Variants in DYNC2H1 observed in about 807,000 individuals in gnomAD.
DYNC2H1 encodes cytoplasmic dynein 2 heavy chain 1.
In DYNC2H1, 410 loss-of-function variants were observed where a neutral mutation model predicts 570.0. That is an observed-to-expected ratio of 0.72 (90% CI 0.66 to 0.78). The LOEUF (loss-of-function observed/expected upper bound fraction) is 0.78, where lower values mean the gene tolerates loss of function less well. Among genes scored for constraint, DYNC2H1 ranks in the 30% least tolerant of loss-of-function variants. The pLI, the probability that DYNC2H1 is intolerant of heterozygous loss-of-function variation, is 0.00. For synonymous variants in DYNC2H1, 1,688 were observed against 1,677.6 expected, an observed-to-expected ratio of 1.01 and a Z score of -0.15; for missense variants, 4,865 against 5,046.4, an observed-to-expected ratio of 0.96 and a Z score of 1.09.
chr11:103,353,375 G>T (rs1392853672), intron 82 of DYNC2H1, among the ~76,000 whole-genome samples: 2 of 152,038 alleles, frequency 1.3e-5, no homozygotes, highest in African/African-American at 4.8e-5. Context: ...CTTGTTGATT[G>T]TGTTCAAATT....
In DYNC2H1 at chr11:103,173,213, T is replaced by C. The variant is rs1294763593; in HGVS notation, c.5466T>C (p.Asn1822=). The change falls in exon 35 of 89, where the codon AAT becomes AAC. Residue 1822 remains asparagine (N), a synonymous_variant. Coordinates refer to ENST00000375735, the MANE Select transcript of DYNC2H1 (RefSeq NM_001377.3). Reference sequence around the variant, plus strand: ...CCGTAGCTATGTCTCATCCAGACAATGAGCTTATTGCAGAAGTTATTCTCT... The same window carrying C: ...CCGTAGCTATGTCTCATCCAGACAACGAGCTTATTGCAGAAGTTATTCTCT... ...FRPVAMSHPD[N]ELIAEVILYS... 6 of 1,601,912 alleles carry C rather than the reference T, an allele frequency of 3.7e-6. No homozygotes were observed. The African/African-American group carries it at 8.1e-5, about 22-fold the overall frequency.
rs756535905 is a variant in DYNC2H1 at position 103,243,777 on chromosome 11, G to A, written c.9904G>A (p.Val3302Ile). 5 of 1,591,376 alleles carry A rather than the reference G, an allele frequency of 3.1e-6. No individual in the cohort carries two copies. Among genetic ancestry groups the A allele is most frequent in the Non-Finnish European group, 1.7e-6 (2 of 1,167,548 alleles). ...ACATTTGAAAGACTCACGTTTAGAA[G>A]TTATCAATCAGCAGGTATGTATTAT... ...KTHLKDSRLE[V>I]INQQDSNFIT... is the part of the protein sequence containing the mutation. Residue 3302 changes from valine (V) to isoleucine (I), a missense_variant, in exon 64 of 89, where the codon GTT becomes ATT. Physicochemically the swap from Val to Ile is conservative, Grantham distance 29. Coordinates refer to ENST00000375735, the MANE Select transcript of DYNC2H1 (RefSeq NM_001377.3). The surrounding 1 kb of genome is among the most constrained non-coding windows in gnomAD (Gnocchi z 4.8).
At chr11:103,115,410 A>C (rs555291565) in intron 4 of DYNC2H1, 115 bp downstream of exon 4, 15 of 606,930 alleles carry the variant, frequency 2.5e-5, no homozygotes, top group Non-Finnish European at 3.9e-5. Context: ...AACAAAATAG[A>C]TTCTTTATAT....
rs79379377 is a variant in DYNC2H1, at chr11:103,384,064, G to A, written c.12157-15599G>A. Among the ~76,000 whole-genome samples, 57 of 152,228 alleles carry A rather than the reference G, an allele frequency of 3.7e-4. No homozygotes were observed. The East Asian group carries it at 0.01, about 27-fold the overall frequency. ...TGGGATTTGCTTTATGGCCCACTAT[G>A]CAATAACATTTTGTTATGTTTGAAA... On this transcript the variant is annotated intron_variant, in intron 83 of 88. Transcript: ENST00000375735.
intron 82 of DYNC2H1, among the ~76,000 whole-genome samples, chr11:103,345,411 T>C (rs543606130): frequency 4.6e-5 from 7 of 152,314 alleles, no homozygotes; most frequent in Non-Finnish European, 8.8e-5. Context: ...TTGTTTTTAG[T>C]GGTTGTACTA....
rs756326880 is a variant in DYNC2H1 at position 103,303,132 on chromosome 11, G to T, written c.11135G>T (p.Arg3712Leu). The T allele has an allele frequency of 3.1e-6, 5 of 1,606,840 alleles. No homozygotes were observed. Among genetic ancestry groups the T allele is most frequent in the South Asian group, 1.1e-5 (1 of 89,904 alleles). ...EVSPLPLNLK[R>L]LYKETLEIEP... ...TCCCCACTGCCTCTAAATCTCAAAC[G>T]TTTATACAAAGAGACACTGGAAATT... is the stretch of plus-strand genomic sequence containing the variant. The change falls in exon 76 of 89, where the codon CGT (arginine) becomes CTT (leucine). Residue 3712 changes from arginine to leucine, a missense_variant. Physicochemically the swap from Arg to Leu is moderately radical, Grantham distance 102. Coordinates refer to ENST00000375735, the MANE Select transcript of DYNC2H1 (RefSeq NM_001377.3).
Position 103,148,577 on chromosome 11 carries a change from C to A in DYNC2H1, c.2906C>A (p.Ala969Glu). 4 of 1,569,874 alleles carry A rather than the reference C, an allele frequency of 2.5e-6. No homozygotes were observed. Among genetic ancestry groups the A allele is most frequent in the Non-Finnish European group, 3.5e-6 (4 of 1,156,116 alleles). ...CAGTCTGTGGAAGAAATTGGTGATGCAAATCTACAATATAGTAAGTTACAA... is the reference window on the plus strand; with the variant it reads ...CAGTCTGTGGAAGAAATTGGTGATGAAAATCTACAATATAGTAAGTTACAA... ...MPQSVEEIGD[A>E]NLQYSKLQER... The change falls in exon 20 of 89, where the codon GCA becomes GAA. Residue 969 changes from alanine (A) to glutamate (E), a missense_variant. Transcript: ENST00000375735.
At chr11:103,477,661 C>G (rs1945598054) in intron 88 of DYNC2H1, among the ~76,000 whole-genome samples, 1 of 151,654 alleles carries the variant, frequency 6.6e-6, no homozygotes, top group South Asian at 2.1e-4. Flanking sequence ...GAAACCCTGT[C>G]TCTACTAAAA....
intron 5 of DYNC2H1, 24 bp downstream of exon 5, chr11:103,116,738 T>C (rs778116654): frequency 1.3e-6 from 2 of 1,560,080 alleles, no homozygotes; most frequent in Admixed American, 1.9e-5. Context: ...AATGAACTTT[T>C]GGAATTTTGA....
chr11:103,216,789 C>CAAAAAAAA (rs5794214), intron 55 of DYNC2H1, among the ~76,000 whole-genome samples: 1 of 147,892 alleles, frequency 6.8e-6, no homozygotes, highest in Non-Finnish European at 1.5e-5. Context: ...GCAAGACTCT[C>CAAAAAAAA]AAAAAAAAAA....
rs564289401 is a variant in DYNC2H1 at position 103,172,051 on chromosome 11, C to T, written c.5334+983C>T. On this transcript the variant is annotated intron_variant, in intron 34 of 88. Transcript: ENST00000375735. ...GAAGTTGTAAGAACTAAGAAATTAT[C>T]ATGTTATATAAAATAACATTTTAAC... is the stretch of plus-strand genomic sequence containing the variant. 2.0e-3 allele frequency among the ~76,000 whole-genome samples: 309 copies of T among 152,122 alleles called. 1 individual carries two copies. The highest frequency in any genetic ancestry group is 7.2e-3 in the African/African-American group (298 of 41,434).
chr11:103,379,604 A>G (rs1180479183), intron 83 of DYNC2H1, among the ~76,000 whole-genome samples: 1 of 152,186 alleles, frequency 6.6e-6, no homozygotes, highest in Non-Finnish European at 1.5e-5. Context: ...CTTTATTAAT[A>G]TAACATTTAT....
intron 11 of DYNC2H1, among the ~76,000 whole-genome samples, chr11:103,124,082 AC>A (rs1399281881): frequency 1.3e-5 from 2 of 152,236 alleles, no homozygotes; most frequent in Admixed American, 6.5e-5. Flanking sequence ...TAAGCTGAAT[AC>A]TTTTGTTCTT....
chr11:103,135,292 T>C (rs1029768446), intron 15 of DYNC2H1, among the ~76,000 whole-genome samples: 3 of 152,180 alleles, frequency 2.0e-5, no homozygotes, highest in African/African-American at 7.2e-5. Flanking sequence ...ATAGTATTTA[T>C]AAGTATGAAG....
intron 83 of DYNC2H1, among the ~76,000 whole-genome samples, chr11:103,393,204 A>G (rs369209830): frequency 4.6e-5 from 7 of 152,342 alleles, no homozygotes; most frequent in African/African-American, 1.7e-4. Context: ...ATGTAACAAA[A>G]TAACTTTGTA....
intron 59 of DYNC2H1, among the ~76,000 whole-genome samples, 188 bp from the exon 60 acceptor site, chr11:103,231,072 A>G (rs1210490208): frequency 6.6e-6 from 1 of 152,152 alleles, no homozygotes; most frequent in African/African-American, 2.4e-5. Context: ...TAGAAGTGGT[A>G]TAGTTGGGTC....
rs1858253865 is a variant in DYNC2H1, at chr11:103,114,162, A to G, written c.426A>G (p.Glu142=). ...PKLQNLLSEL[E]AGLGIVLRRS... ...TTCAGAATCTTTTGAGTGAACTAGA[A>G]GCTGGGTTGGGTATAGTTCTACGAA... Residue 142 remains glutamate (E), a synonymous_variant, in exon 3 of 89, where the codon GAA becomes GAG. Coordinates refer to ENST00000375735, the MANE Select transcript of DYNC2H1 (RefSeq NM_001377.3). 2 of 1,608,452 alleles carry G rather than the reference A, an allele frequency of 1.2e-6. No individual in the cohort carries two copies. Among genetic ancestry groups the G allele is most frequent in the East Asian group, 4.5e-5 (2 of 44,774 alleles).
chr11:103,460,479 T>TGGGTG (rs1944970894), intron 87 of DYNC2H1, among the ~76,000 whole-genome samples: 1 of 115,060 alleles, frequency 8.7e-6, no homozygotes, highest in African/African-American at 3.3e-5. Context: ...ATTGGGGCAG[T>TGGGTG]GGGTGGGGTG....
At chr11:103,409,306 G>A (rs1942990656) in intron 84 of DYNC2H1, among the ~76,000 whole-genome samples, 1 of 152,054 alleles carries the variant, frequency 6.6e-6, no homozygotes, top group African/African-American at 2.4e-5. Flanking sequence ...GTAAGCTTAT[G>A]TGATGGAGGA....
Sources: allele counts gnomAD v4.1 joint callset (sites outside exome capture counted in the v4.1 genomes callset), GRCh38; gene constraint gnomAD v4.1.1; non-coding constraint Gnocchi (gnomAD v3.1); transcripts MANE v1.5; gene names NCBI Gene and HGNC (gene_info 2026-07-23, HGNC 2026-07-21).